Variants in NEDD9 observed in about 807,000 individuals in gnomAD.
NEDD9 encodes the protein enhancer of filamentation 1.
A neutral mutation model predicts 76.6 loss-of-function variants in NEDD9; 26 were observed. The ratio of observed to expected loss-of-function variants is 0.34; its 90% CI spans 0.25 to 0.47. The LOEUF is 0.47. NEDD9 is among the 20% of genes least tolerant of loss of function. The probability of loss-of-function intolerance (pLI) is 1.00; values close to 1 mark genes in which losing one functional copy is unlikely to be tolerated. For missense variants in NEDD9, 937 were observed against 1,058.5 expected, an observed-to-expected ratio of 0.89 and a Z score of 1.59; for synonymous variants, 392 against 414.2, an observed-to-expected ratio of 0.95 and a Z score of 0.65.
chr6:11,332,017 T>C (rs1286163346), intron 2 of NEDD9, among the ~76,000 whole-genome samples: 1 of 152,176 alleles, frequency 6.6e-6, no homozygotes, highest in Non-Finnish European at 1.5e-5. Flanking sequence ...TGAAAAGCAT[T>C]GTCATTGGCC....
chr6:11,184,999 C>A lies in NEDD9; in HGVS notation c.*163G>T. The stretch of plus-strand genomic sequence containing the variant: ...GGGGAAAAAAAAAGATTTCCCTCTC[C>A]AGCTCCCTGAATTTCTGAAAGTTGA... On this transcript the variant is annotated 3_prime_UTR_variant, in exon 7 of 7. Transcript: ENST00000379446. 2 of 883,280 alleles carry A rather than the reference C, an allele frequency of 2.3e-6. No homozygotes were observed. Among genetic ancestry groups the A allele is most frequent in the Non-Finnish European group, 1.6e-6 (1 of 609,074 alleles). The allele number at this position is 883,280 out of a possible 1,614,324, so 54.7% of individuals were successfully genotyped here. A position where few individuals can be genotyped will look rare whatever the true frequency, so the allele number is the denominator to read the frequency against.
intron 3 of NEDD9, among the ~76,000 whole-genome samples, chr6:11,286,996 T>C (rs1760663000): frequency 6.6e-6 from 1 of 152,226 alleles, no homozygotes; most frequent in African/African-American, 2.4e-5. Context: ...ATCATTAATA[T>C]GGAACTTTTC....
intron 1 of NEDD9, among the ~76,000 whole-genome samples, chr6:11,365,191 C>A (rs1163120854): frequency 1.3e-5 from 2 of 152,186 alleles, no homozygotes; most frequent in African/African-American, 2.4e-5. Context: ...CCCTCCCTAC[C>A]TTTCAAGTGT....
intron 2 of NEDD9, among the ~76,000 whole-genome samples, chr6:11,314,548 C>G (rs1761487137): frequency 6.6e-6 from 1 of 152,096 alleles, no homozygotes; most frequent in South Asian, 2.1e-4. Flanking sequence ...CTTTTATGCC[C>G]CCTCAAAACA....
intron 3 of NEDD9, among the ~76,000 whole-genome samples, chr6:11,242,343 G>A (rs1446991253): frequency 2.0e-5 from 3 of 152,124 alleles, no homozygotes; most frequent in Non-Finnish European, 4.4e-5. Flanking sequence ...CAGACTTGAC[G>A]ATGTAGACAA....
chr6:11,210,589 A>G (rs1469255712), intron 2 of NEDD9, among the ~76,000 whole-genome samples: 1 of 152,178 alleles, frequency 6.6e-6, no homozygotes, highest in Non-Finnish European at 1.5e-5. Context: ...AAGTCATTAG[A>G]ATGATTCCCA....
chr6:11,375,173 C>T (rs12526759), intron 1 of NEDD9, among the ~76,000 whole-genome samples: 10,562 of 152,264 alleles, frequency 0.069, 402 homozygotes, highest in Non-Finnish European at 0.071. Context: ...GACTGTCATA[C>T]ATTCATGCAA....
intron 3 of NEDD9, among the ~76,000 whole-genome samples, chr6:11,272,734 C>T (rs1467726012): frequency 6.6e-6 from 1 of 152,170 alleles, no homozygotes; most frequent in African/African-American, 2.4e-5. Flanking sequence ...GCAGAGGAGT[C>T]TCCAAGGTGC....
In NEDD9 at chr6:11,368,547, G is replaced by A. The variant is rs558994287; in HGVS notation, c.-214+13592C>T. Among the ~76,000 whole-genome samples the A allele has an allele frequency of 7.2e-5, 11 of 152,282 alleles. No homozygotes were observed. The South Asian group carries it at 1.7e-3, about 23-fold the overall frequency. ...GCTACACCACCACGTAGCTCCATAC[G>A]AATTTGTTGACTGATGACTGACACA... On this transcript the variant is annotated intron_variant, in intron 1 of 3. Transcript: ENST00000397378.
At chr6:11,255,566 C>T (rs903745701) in intron 3 of NEDD9, among the ~76,000 whole-genome samples, 1 of 151,932 alleles carries the variant, frequency 6.6e-6, no homozygotes, top group African/African-American at 2.4e-5. Context: ...GTGTGAAGGC[C>T]CCGTGGCAGA....
intron 4 of NEDD9, among the ~76,000 whole-genome samples, chr6:11,191,541 G>C (rs771975331): frequency 6.6e-6 from 1 of 152,198 alleles, no homozygotes; most frequent in East Asian, 1.9e-4. Context: ...GTTCTCCCCC[G>C]GTCTTTTTGG....
At chr6:11,367,441 A>C (rs1177700908) in intron 1 of NEDD9, among the ~76,000 whole-genome samples, 1 of 152,226 alleles carries the variant, frequency 6.6e-6, no homozygotes, top group Admixed American at 6.5e-5. Context: ...ATCAGTCTTT[A>C]CTGTTGGTAA....
chr6:11,273,656 A>G (rs946865439), intron 3 of NEDD9, among the ~76,000 whole-genome samples: 2 of 152,166 alleles, frequency 1.3e-5, no homozygotes, highest in Non-Finnish European at 2.9e-5. Context: ...GTTGTGAGTC[A>G]ATGTTATCAA....
At chr6:11,239,071 G>C (rs919956286) in intron 3 of NEDD9, among the ~76,000 whole-genome samples, 27 of 152,138 alleles carry the variant, frequency 1.8e-4, no homozygotes, top group East Asian at 5.8e-4. Context: ...GGAGGCTGAG[G>C]GGGGAGGATC....
intron 3 of NEDD9, among the ~76,000 whole-genome samples, chr6:11,277,932 T>C (rs1290944133): frequency 1.3e-5 from 2 of 152,112 alleles, no homozygotes; most frequent in East Asian, 3.8e-4. Context: ...TGCCTTGCCT[T>C]GCCTCTTGAG....
chr6:11,367,943 A>G (rs551808958), intron 1 of NEDD9, among the ~76,000 whole-genome samples: 1 of 152,320 alleles, frequency 6.6e-6, no homozygotes, highest in African/African-American at 2.4e-5. Context: ...ATGAGACTGG[A>G]CCTTGGTTCT....
intron 3 of NEDD9, chr6:11,248,995 G>A (rs1759861827): frequency 2.5e-6 from 1 of 407,926 alleles, no homozygotes; most frequent in African/African-American, 2.0e-5. Flanking sequence ...AGTCATGCCA[G>A]CTATTCATAT....
intron 3 of NEDD9, among the ~76,000 whole-genome samples, chr6:11,289,609 C>T (rs971968246): frequency 9.9e-5 from 15 of 152,176 alleles, no homozygotes; most frequent in South Asian, 4.1e-4. Flanking sequence ...CCTGCCACCA[C>T]GCCTGGCTAA....
intron 3 of NEDD9, among the ~76,000 whole-genome samples, chr6:11,239,585 G>C (rs1349272441): frequency 6.6e-6 from 1 of 152,058 alleles, no homozygotes; most frequent in African/African-American, 2.4e-5. Context: ...TTTAATGCTT[G>C]ATTCTTTATA....
Sources: gnomAD v4.1 joint callset for allele counts (sites outside exome capture counted in the v4.1 genomes callset) on GRCh38, gnomAD v4.1.1 for gene constraint, MANE v1.5 for transcripts, NCBI Gene and HGNC (gene_info 2026-07-23, HGNC 2026-07-21) for gene names.